Variants in DGKG observed in about 807,000 individuals in gnomAD.
The protein encoded by DGKG is DAG kinase gamma.
Under a neutral mutation model 105.3 loss-of-function variants are expected in DGKG, and 78 were observed. The ratio of observed to expected loss-of-function variants is 0.74; its 90% confidence interval spans 0.62 to 0.89. The LOEUF (loss-of-function observed/expected upper bound fraction) is 0.89. Among genes scored for constraint, DGKG ranks in the 40% least tolerant of loss-of-function variants. The pLI, the probability that DGKG is intolerant of heterozygous loss-of-function variation, is 0.00. For synonymous variants in DGKG, 346 were observed against 367.1 expected, an observed-to-expected ratio of 0.94 and a Z score of 0.66; for missense variants, 958 against 1,020.1, an observed-to-expected ratio of 0.94 and a Z score of 0.83.
At chr3:186,186,716 C>T (rs1717654041) in intron 22 of DGKG, among the ~76,000 whole-genome samples, 1 of 152,242 alleles carries the variant, frequency 6.6e-6, no homozygotes, top group Non-Finnish European at 1.5e-5. Flanking sequence ...TTACACCTGG[C>T]TTTCTCCTCC....
At chr3:186,258,043 A>C (rs1721569381) in intron 16 of DGKG, 104 bp from the exon 17 acceptor site, 2 of 826,350 alleles carry the variant, frequency 2.4e-6, no homozygotes, top group South Asian at 2.9e-5. Flanking sequence ...GTATGTTAAG[A>C]CCTCGATTCC....
intron 20 of DGKG, among the ~76,000 whole-genome samples, 163 bp downstream of exon 20, chr3:186,242,341 C>T (rs529786825): frequency 1.5e-4 from 22 of 150,738 alleles, no homozygotes; most frequent in African/African-American, 4.9e-4. Flanking sequence ...GTTTCTGACA[C>T]TTTTTTTTTT....
intron 7 of DGKG, chr3:186,281,335 T>C (rs539951495): frequency 6.6e-6 from 1 of 152,604 alleles, no homozygotes; most frequent in East Asian, 1.9e-4. Flanking sequence ...ATATGTTTAC[T>C]TGATGACTGA....
In DGKG at chr3:186,148,475, T is replaced by C. The variant is rs1257522914; in HGVS notation, c.*1615A>G. 30 of 985,316 alleles carry C rather than the reference T, an allele frequency of 3.0e-5. No individual in the cohort carries two copies. The highest frequency in any genetic ancestry group is 6.1e-5 in the Admixed American group (1 of 16,264). The allele number at this position is 985,316 out of a possible 1,614,324, so 61.0% of individuals were successfully genotyped here. On this transcript the variant is annotated 3_prime_UTR_variant, in exon 25 of 25. Coordinates refer to ENST00000265022, the MANE Select transcript of DGKG (RefSeq NM_001346.3). ...GCAGCATGAGGCGCTCGTTTTCTTG[T>C]GTGGGGATATCCCATCCACGCATGT... is the stretch of plus-strand genomic sequence containing the variant.
chr3:186,281,077 T>G (rs1722808768), intron 7 of DGKG: 1 of 210,538 alleles, frequency 4.7e-6, no homozygotes. Context: ...GATTATAGCT[T>G]CCACAAATAC....
chr3:186,318,855 C>A (rs1167850649), intron 2 of DGKG, among the ~76,000 whole-genome samples: 1 of 152,204 alleles, frequency 6.6e-6, no homozygotes, highest in Admixed American at 6.5e-5. Context: ...AAATAGCAAA[C>A]AACCCCCATA....
intron 21 of DGKG, among the ~76,000 whole-genome samples, chr3:186,191,721 TCACAGGTCTG>T (rs1717917503): frequency 6.6e-6 from 1 of 152,250 alleles, no homozygotes; most frequent in Non-Finnish European, 1.5e-5. Context: ...GAAGCCAGGC[TCACAGGTCTG>T]AATTGCTTTT....
At chr3:186,154,518 G>A (rs891958481) in intron 24 of DGKG, among the ~76,000 whole-genome samples, 4 of 151,848 alleles carry the variant, frequency 2.6e-5, no homozygotes, top group African/African-American at 7.2e-5. Context: ...GGTAGTGGGC[G>A]CCTGGAATTC....
chr3:186,310,093 C>A (rs1301008503), intron 2 of DGKG, among the ~76,000 whole-genome samples: 4 of 150,554 alleles, frequency 2.7e-5, no homozygotes, highest in African/African-American at 9.7e-5. Context: ...ATGGTGAAAC[C>A]CCATCTCTAC....
At chr3:186,250,045 C>CATATGCACAGTTTGG (rs1339664293) in intron 19 of DGKG, among the ~76,000 whole-genome samples, 3 of 152,100 alleles carry the variant, frequency 2.0e-5, no homozygotes, top group Non-Finnish European at 4.4e-5. Flanking sequence ...TGAAACTGGG[C>CATATGCACAGTTTGG]AGCACAACTC....
intron 1 of DGKG, among the ~76,000 whole-genome samples, chr3:186,335,337 G>C (rs189491520): frequency 4.0e-4 from 61 of 152,280 alleles, no homozygotes; most frequent in Admixed American, 3.5e-3. Context: ...GGCCTAAGCA[G>C]TCAGTTCTAC....
chr3:186,325,847 A>T (rs1362846278), intron 1 of DGKG, among the ~76,000 whole-genome samples: 2 of 152,254 alleles, frequency 1.3e-5, no homozygotes, highest in African/African-American at 4.8e-5. Context: ...GATCAGTGGA[A>T]GCTCAGTCAA....
At chr3:186,158,736 A>G in intron 24 of DGKG, 1 of 972,254 alleles carries the variant, frequency 1.0e-6, no homozygotes, top group East Asian at 1.1e-4. Flanking sequence ...TCTGTCTGTC[A>G]ATTCTATATC....
chr3:186,202,489 G>A (rs1014328319), intron 21 of DGKG, among the ~76,000 whole-genome samples: 3 of 152,192 alleles, frequency 2.0e-5, no homozygotes, highest in Non-Finnish European at 4.4e-5. Context: ...CTTCCCTGAG[G>A]TTCCCAAATC....
At chr3:186,275,398 G>A (rs941250063) in intron 10 of DGKG, 149 bp downstream of exon 10, 5 of 673,844 alleles carry the variant, frequency 7.4e-6, no homozygotes, top group Admixed American at 4.8e-5. Flanking sequence ...GGACATGAAG[G>A]CCTCGCTTTA....
Position 186,284,694 on chromosome 3 carries a change from T to G in DGKG, c.560A>C (p.Tyr187Ser), listed in dbSNP as rs1008694634. The G allele has an allele frequency of 6.2e-7, 1 of 1,613,908 alleles. No individual in the cohort carries two copies. Among genetic ancestry groups the G allele is most frequent in the Non-Finnish European group, 8.5e-7 (1 of 1,179,808 alleles). The change falls in exon 7 of 25, where the codon TAT becomes TCT. Residue 187 changes from tyrosine to serine, a missense_variant. This residue lies in a region of DGKG where 643 missense variants were observed against 619.5 expected (regional missense o/e 1.04). Coordinates refer to ENST00000265022, the MANE Select transcript of DGKG (RefSeq NM_001346.3). This position sits in a 1 kb window ranked among gnomAD's most constrained non-coding sequence, Gnocchi z 4.0. Reference protein sequence around the residue: ...QDKLEFMFRLYDSDENGLLDQ... With the variant: ...QDKLEFMFRLSDSDENGLLDQ... ...CAGGAGACCGTTCTCATCTGAATCA[T>G]AGAGGCGAAACATGACTGTAAGAAA...
intron 10 of DGKG, among the ~76,000 whole-genome samples, chr3:186,272,546 C>T (rs918858325): frequency 2.0e-5 from 3 of 152,172 alleles, no homozygotes; most frequent in African/African-American, 4.8e-5. Context: ...TTATCTGCTG[C>T]GGCTGCACCT....
rs115506521 is a variant in DGKG, at chr3:186,317,877, G to A, written c.67+2516C>T. 4.0e-3 allele frequency among the ~76,000 whole-genome samples: 612 copies of A among 152,268 alleles called. 5 individuals carry two copies. Among genetic ancestry groups the A allele is most frequent in the African/African-American group, 0.014 (576 of 41,548 alleles). On this transcript the variant is annotated intron_variant, in intron 2 of 24. Coordinates refer to ENST00000265022, the MANE Select transcript of DGKG (RefSeq NM_001346.3). The stretch of plus-strand genomic sequence containing the variant: ...CCTGGAGCCTGGCACATAGGAAGGC[G>A]TAGTGGATGTGTTATCACCATCTCC...
Position 186,298,115 on chromosome 3 carries a change from T to A in DGKG, c.259A>T (p.Thr87Ser). ...LAFSQKPRHE[T>S]SDHPTEGASN... Reference sequence around the variant, plus strand: ...GCTCCCTCCGTCGGGTGGTCAGAGGTCTCGTGTCTGGGCTTCTGGCTGAAG... The same window carrying A: ...GCTCCCTCCGTCGGGTGGTCAGAGGACTCGTGTCTGGGCTTCTGGCTGAAG... The change falls in exon 4 of 25, where the codon ACC becomes TCC. Residue 87 changes from threonine (T) to serine (S), a missense_variant. This residue lies in a region of DGKG where 643 missense variants were observed against 619.5 expected (regional missense o/e 1.04). Transcript: ENST00000265022. 1 of 1,613,824 alleles carries A rather than the reference T, an allele frequency of 6.2e-7. No individual in the cohort carries two copies.
Sources: gnomAD v4.1 joint callset for allele counts (sites outside exome capture counted in the v4.1 genomes callset) on GRCh38, gnomAD v4.1.1 for gene constraint, gnomAD v4.1.1 regional missense constraint, Gnocchi (gnomAD v3.1) non-coding constraint, MANE v1.5 for transcripts, NCBI Gene and HGNC (gene_info 2026-07-23, HGNC 2026-07-21) for gene names.